The following ZNF674 variants were observed in gnomAD, a reference collection of about 807,000 sequenced individuals.
The protein encoded by ZNF674 is zinc finger protein 674, also known as zinc finger family member 674.
Under a neutral mutation model 7.0 loss-of-function variants are expected in ZNF674, and 2 were observed. The observed-to-expected ratio is 0.29, with a 90% CI of 0.12 to 0.90. The LOEUF (loss-of-function observed/expected upper bound fraction) is 0.90, where lower values mean the gene tolerates loss of function less well. Ranked by LOEUF, ZNF674 falls within the 40% of genes least tolerant of loss-of-function variation. The pLI is 0.57. For missense variants in ZNF674, 297 were observed against 415.5 expected, an observed-to-expected ratio of 0.71 and a Z score of 2.48; for synonymous variants, 103 against 145.2, an observed-to-expected ratio of 0.71 and a Z score of 2.09.
chrX:46,506,333 G>A (rs1941537332), intron 5 of ZNF674, among the ~76,000 whole-genome samples: 1 of 109,900 alleles, frequency 9.1e-6, no homozygotes. Flanking sequence ...CAAAGTGAAA[G>A]GAGCTTAACA....
chrX:46,521,984 T>C (rs1167566080), intron 5 of ZNF674, among the ~76,000 whole-genome samples: 1 of 107,547 alleles, frequency 9.3e-6, no homozygotes, highest in East Asian at 2.9e-4. Flanking sequence ...AATAAATGAG[T>C]TGAAGACTTA....
intron 3 of ZNF674, among the ~76,000 whole-genome samples, chrX:46,539,607 T>A (rs1942256578): frequency 8.9e-6 from 1 of 112,872 alleles, no homozygotes; most frequent in South Asian, 3.6e-4. Context: ...GGTAGACCAC[T>A]GGTTTTAAAC....
intron 5 of ZNF674, among the ~76,000 whole-genome samples, chrX:46,515,063 A>T (rs752071467): frequency 1.3e-4 from 15 of 111,544 alleles, no homozygotes; most frequent in Admixed American, 1.2e-3. Flanking sequence ...AAACTGATAA[A>T]CTCCTTGAAA....
chrX:46,544,787 G>A (rs1475825558), intron 1 of ZNF674, among the ~76,000 whole-genome samples, 176 bp from the exon 2 acceptor site: 1 of 111,783 alleles, frequency 8.9e-6, no homozygotes, highest in African/African-American at 3.3e-5. Flanking sequence ...GCGAAACCCT[G>A]CCTTCCTGAG....
intron 5 of ZNF674, chrX:46,523,091 G>A (rs929371829): frequency 1.6e-5 from 4 of 244,391 alleles, no homozygotes; most frequent in Non-Finnish European, 3.0e-5. Flanking sequence ...ATGCTCTTCT[G>A]TATGCAAGAT....
At chrX:46,505,524 G>A (rs55738800) in intron 5 of ZNF674, among the ~76,000 whole-genome samples, 29,868 of 110,926 alleles carry the variant, frequency 0.27, 3,084 homozygotes, top group Middle Eastern at 0.37. Context: ...TAATCCCAGC[G>A]CTTTGGGGGG....
At chrX:46,514,676 C>G (rs1220821161) in intron 5 of ZNF674, among the ~76,000 whole-genome samples, 1 of 112,110 alleles carries the variant, frequency 8.9e-6, no homozygotes, top group Non-Finnish European at 1.9e-5. Flanking sequence ...GAGAGGGCAT[C>G]AGTATTAGAT....
rs1941783743 is a variant in ZNF674, at chrX:46,517,274, G to A, written c.238+11076C>T. Reference sequence around the variant, plus strand: ...AATAGAAGTTCTCAACAGAGAAACAGAAACTGTAAAAATAAAAAAATTATA... The same window carrying A: ...AATAGAAGTTCTCAACAGAGAAACAAAAACTGTAAAAATAAAAAAATTATA... On this transcript the variant is annotated intron_variant, in intron 5 of 5. Coordinates refer to ENST00000683375, the MANE Select transcript of ZNF674 (RefSeq NM_001190417.2). Among the ~76,000 whole-genome samples, 7 of 109,751 alleles carry A rather than the reference G, an allele frequency of 6.4e-5. No homozygotes were observed. In the Admixed American group the frequency reaches 6.9e-4, roughly 11 times the overall value.
intron 3 of ZNF674, among the ~76,000 whole-genome samples, chrX:46,533,829 A>AAATATATAT (rs1415090691): frequency 8.4e-4 from 55 of 65,508 alleles, no homozygotes; most frequent in Non-Finnish European, 1.2e-3. Context: ...AAAAAAAAAA[A>AAATATATAT]ATATATATAT....
At chrX:46,524,765 C>T (rs1445549433) in intron 5 of ZNF674, among the ~76,000 whole-genome samples, 1 of 110,222 alleles carries the variant, frequency 9.1e-6, no homozygotes, top group Non-Finnish European at 1.9e-5. Flanking sequence ...AATCCCAGCA[C>T]TTTGGGAGGC....
At chrX:46,507,352 C>G (rs939085126) in intron 5 of ZNF674, among the ~76,000 whole-genome samples, 2 of 110,859 alleles carry the variant, frequency 1.8e-5, no homozygotes, top group African/African-American at 6.5e-5. Context: ...CAGCAAGATT[C>G]TGTCTCAAAA....
intron 5 of ZNF674, among the ~76,000 whole-genome samples, chrX:46,510,982 A>G (rs765788531): frequency 2.3e-4 from 26 of 112,037 alleles, no homozygotes; most frequent in African/African-American, 8.1e-4. Flanking sequence ...CAACCAGCCT[A>G]CTTTACAGGG....
Position 46,498,319 on chromosome X carries a change from A to G in ZNF674, c.*1524T>C, listed in dbSNP as rs1384307552. On this transcript the variant is annotated 3_prime_UTR_variant, in exon 6 of 6. Transcript: ENST00000683375. ...CCATAAAATTATTACTCTTTATTAA[A>G]ACATGGAGAATTTTAAGTTCTAAGC... 1 of 111,722 alleles carries G rather than the reference A, an allele frequency of 9.0e-6. No homozygotes were observed. The highest frequency in any genetic ancestry group is 9.6e-5 in the Admixed American group (1 of 10,377). The allele number at this position is 111,722 out of a possible 1,213,427, so 9.2% of individuals were successfully genotyped here. A position where few individuals can be genotyped will look rare whatever the true frequency, so the allele number is the denominator to read the frequency against.
chrX:46,508,980 G>A (rs1443659713), intron 5 of ZNF674, among the ~76,000 whole-genome samples: 1 of 110,913 alleles, frequency 9.0e-6, no homozygotes, highest in African/African-American at 3.3e-5. Flanking sequence ...CAGAAATAAT[G>A]CCGCATATCG....
chrX:46,530,054 C>G (rs1258310110), intron 3 of ZNF674, among the ~76,000 whole-genome samples: 1 of 111,911 alleles, frequency 8.9e-6, no homozygotes, highest in Non-Finnish European at 1.9e-5. Context: ...CAAACAAGAA[C>G]TCACTTCTAC....
chrX:46,499,803 CAAAT>C lies in ZNF674; in HGVS notation c.*36_*39del. 1.0e-6 allele frequency: 1 copy of C among 1,002,331 alleles called. No individual in the cohort carries two copies. Among genetic ancestry groups the C allele is most frequent in the East Asian group, 3.2e-5 (1 of 31,411 alleles). The allele number at this position is 1,002,331 out of a possible 1,213,427, so 82.6% of individuals were successfully genotyped here. A position where few individuals can be genotyped will look rare whatever the true frequency, so the allele number is the denominator to read the frequency against. On this transcript the variant is annotated 3_prime_UTR_variant, in exon 6 of 6. Coordinates refer to ENST00000683375, the MANE Select transcript of ZNF674 (RefSeq NM_001190417.2). ...AATGAGACTAGTAATAGTCAAATGA[CAAAT>C]AACTACTAGTATAATTATCCCACTC...
intron 5 of ZNF674, among the ~76,000 whole-genome samples, chrX:46,524,761 A>G (rs1208068459): frequency 9.0e-6 from 1 of 111,112 alleles, no homozygotes; most frequent in East Asian, 2.8e-4. Context: ...CTGTAATCCC[A>G]GCACTTTGGG....
rs201926390 is a variant in ZNF674 at position 46,533,851 on chromosome X, TATAC to T, written c.16-4946_16-4943del. 7.1e-3 allele frequency among the ~76,000 whole-genome samples: 614 copies of T among 86,418 alleles called. 9 individuals carry two copies. The highest frequency in any genetic ancestry group is 0.022 in the African/African-American group (472 of 21,738). The allele number at this position is 86,418 out of a possible 115,157, so 75.0% of individuals were successfully genotyped here. On this transcript the variant is annotated intron_variant, in intron 3 of 5. Coordinates refer to ENST00000683375, the MANE Select transcript of ZNF674 (RefSeq NM_001190417.2). The stretch of plus-strand genomic sequence containing the variant: ...AAAAATATATATATATATATATATA[TATAC>T]ACACACACACACATAAAATCTATGC...
rs770743078 is a variant in ZNF674 at position 46,531,860 on chromosome X, T to TA, written c.16-2952dup. 9.1e-5 allele frequency among the ~76,000 whole-genome samples: 10 copies of TA among 109,896 alleles called. No homozygotes were observed. In the East Asian group the frequency reaches 1.7e-3, roughly 19 times the overall value. On this transcript the variant is annotated intron_variant, in intron 3 of 5. Coordinates refer to ENST00000683375, the MANE Select transcript of ZNF674 (RefSeq NM_001190417.2). ...AATAATAAAATAAAATAAAATAAAT[T>TA]AAAAAAAATAAAACATATGTATGTG...
Sources: gnomAD v4.1 joint callset for allele counts (sites outside exome capture counted in the v4.1 genomes callset) on GRCh38, gnomAD v4.1.1 for gene constraint, MANE v1.5 for transcripts, NCBI Gene and HGNC (gene_info 2026-07-23, HGNC 2026-07-21) for gene names.